Variants in SPTAN1 observed in about 807,000 individuals in gnomAD.
SPTAN1 encodes spectrin alpha chain, non-erythrocytic 1.
Under a neutral mutation model 331.3 loss-of-function variants are expected in SPTAN1, and 61 were observed. That is an observed-to-expected ratio of 0.18 (90% CI 0.15 to 0.23). SPTAN1 has a LOEUF of 0.23. Among genes scored for constraint, SPTAN1 ranks in the 10% least tolerant of loss-of-function variants. The pLI, the probability that SPTAN1 is intolerant of heterozygous loss-of-function variation, is 1.00. For synonymous variants in SPTAN1, 1,153 were observed against 1,173.9 expected, an observed-to-expected ratio of 0.98 and a Z score of 0.36; for missense variants, 2,043 against 3,147.9, an observed-to-expected ratio of 0.65 and a Z score of 8.40.
At chr9:128,620,445 G>C (rs1026942403) in intron 44 of SPTAN1, among the ~76,000 whole-genome samples, 1 of 152,188 alleles carries the variant, frequency 6.6e-6, no homozygotes, top group Non-Finnish European at 1.5e-5. Flanking sequence ...GGCCAGGTGC[G>C]GTGGCTCACA....
rs1848285942 is a variant in SPTAN1 at position 128,552,879 on chromosome 9, C to T, written c.-4+183C>T. The stretch of plus-strand genomic sequence containing the variant: ...AGCCGCTGCCGCTGCTTTTGTGGCG[C>T]GTGGGCTGCGGAGGAGCAGCCGGGC... On this transcript the variant is annotated intron_variant, in intron 1 of 56. Coordinates refer to ENST00000372739, the MANE Select transcript of SPTAN1 (RefSeq NM_001130438.3). The surrounding 1 kb of genome is among the most constrained non-coding windows in gnomAD (Gnocchi z 4.6). 6.6e-6 allele frequency: 1 copy of T among 152,154 alleles called. No homozygotes were observed. The highest frequency in any genetic ancestry group is 2.4e-5 in the African/African-American group (1 of 41,432). 9.4% of individuals were successfully genotyped at this position (152,154 alleles called of 1,614,324 possible). A position where few individuals can be genotyped will look rare whatever the true frequency, so the allele number is the denominator to read the frequency against.
chr9:128,586,069 A>G (rs1270331629), intron 19 of SPTAN1, 104 bp downstream of exon 19: 1 of 855,330 alleles, frequency 1.2e-6, no homozygotes, highest in Non-Finnish European at 1.9e-6. Flanking sequence ...TGTGCATTAC[A>G]GTGATTGTTT....
chr9:128,605,489 T>C lies in SPTAN1; in HGVS notation c.4046+12T>C, dbSNP rs1855712040. ...CTTAGCGATTTCCGGTACGGAGCCATGTTCACTCAGACTTCTGGAACATAG... is the reference window on the plus strand; with the variant it reads ...CTTAGCGATTTCCGGTACGGAGCCACGTTCACTCAGACTTCTGGAACATAG... On this transcript the variant is annotated intron_variant, in intron 31 of 56. Coordinates refer to ENST00000372739, the MANE Select transcript of SPTAN1 (RefSeq NM_001130438.3). 2.5e-6 allele frequency: 4 copies of C among 1,614,048 alleles called. No individual in the cohort carries two copies. Among genetic ancestry groups the C allele is most frequent in the Admixed American group, 1.7e-5 (1 of 60,010 alleles).
chr9:128,559,474 G>T (rs1890101), intron 1 of SPTAN1, among the ~76,000 whole-genome samples: 1 of 152,196 alleles, frequency 6.6e-6, no homozygotes, highest in African/African-American at 2.4e-5. Flanking sequence ...ATAGGAGGCA[G>T]AACAGCACCA....
intron 40 of SPTAN1, among the ~76,000 whole-genome samples, chr9:128,614,009 A>C (rs950459270): frequency 6.6e-6 from 1 of 152,120 alleles, no homozygotes; most frequent in African/African-American, 2.4e-5. Flanking sequence ...CATCTCAAAA[A>C]AAAAAAAAAA....
rs140191388 is a variant in SPTAN1 at position 128,617,742 on chromosome 9, G to A, written c.5460G>A (p.Ala1820=). Residue 1820 remains alanine (A), a synonymous_variant, in exon 42 of 57, where the codon GCG becomes GCA. Coordinates refer to ENST00000372739, the MANE Select transcript of SPTAN1 (RefSeq NM_001130438.3). ...AGCGGCTGGAAGCAGAACTGGCTGC[G>A]CATGAGCCGGCTATTCAGGTAAGGA... is the stretch of plus-strand genomic sequence containing the variant. ...KHKRLEAELA[A]HEPAIQGVLD... 611 of 1,614,068 alleles carry A rather than the reference G, an allele frequency of 3.8e-4. 3 individuals carry two copies. The African/African-American group carries it at 4.6e-3, about 12-fold the overall frequency.
chr9:128,626,245 C>G (rs1858716651), intron 48 of SPTAN1, 146 bp from the exon 49 acceptor site: 3 of 1,087,470 alleles, frequency 2.8e-6, no homozygotes, highest in Admixed American at 1.7e-5. Context: ...GAAGGGGGAG[C>G]AGGAGACAGG....
intron 31 of SPTAN1, among the ~76,000 whole-genome samples, chr9:128,606,232 G>T (rs1053365188): frequency 6.7e-6 from 1 of 149,758 alleles, no homozygotes; most frequent in Non-Finnish European, 1.5e-5. Flanking sequence ...GCCGGGCGTG[G>T]TGGCACACTG....
rs1264204076 is a variant in SPTAN1, at chr9:128,617,967, T to C, written c.5479-20T>C. The C allele has an allele frequency of 1.2e-6, 2 of 1,614,016 alleles. No individual in the cohort carries two copies. Among genetic ancestry groups the C allele is most frequent in the African/African-American group, 2.7e-5 (2 of 74,906 alleles). On this transcript the variant is annotated intron_variant, in intron 42 of 56. Transcript: ENST00000372739. ...CCAGAAGAGCTACCTGCTGTTAACC[T>C]CCTCGTCCTTGCCTGTCAGGGTGTC... is the stretch of plus-strand genomic sequence containing the variant.
rs1852537797 is a variant in SPTAN1 at position 128,585,843 on chromosome 9, C to T, written c.2656C>T (p.Leu886=). 1 of 1,614,162 alleles carries T rather than the reference C, an allele frequency of 6.2e-7. No homozygotes were observed. The highest frequency in any genetic ancestry group is 1.3e-5 in the African/African-American group (1 of 75,022). The stretch of plus-strand genomic sequence containing the variant: ...CAAAGCTTCCCAGCGTCGGCAGGAC[C>T]TGGAGGACTCTCTGCAGGCCCAGCA... The part of the protein sequence containing the change: ...KAKASQRRQD[L]EDSLQAQQYF... Residue 886 remains leucine, a synonymous_variant, in exon 19 of 57, where the codon CTG becomes TTG. Coordinates refer to ENST00000372739, the MANE Select transcript of SPTAN1 (RefSeq NM_001130438.3).
chr9:128,633,399 TCTGTGTGCTCTCACTTTCCA>T lies in SPTAN1; in HGVS notation c.*70_*89del. On this transcript the variant is annotated 3_prime_UTR_variant, in exon 57 of 57. Transcript: ENST00000372739. ...CGTCGCCTTGCTGCATGTCCGCTCC[TCTGTGTGCTCTCACTTTCCA>T]CTGTAACCTTAAGCCTGCTTAGCTT... 1 of 1,609,212 alleles carries T rather than the reference TCTGTGTGCTCTCACTTTCCA, an allele frequency of 6.2e-7. No homozygotes were observed. Among genetic ancestry groups the T allele is most frequent in the South Asian group, 1.1e-5 (1 of 91,018 alleles).
At chr9:128,574,884 G>A (rs1851129052) in intron 4 of SPTAN1, 69 bp downstream of exon 4, 3 of 1,607,382 alleles carry the variant, frequency 1.9e-6, no homozygotes, top group Non-Finnish European at 2.6e-6. Context: ...TCTGTGATCT[G>A]TAGTGAGACC....
Position 128,567,908 on chromosome 9 carries a change from G to A in SPTAN1, c.238-864G>A, listed in dbSNP as rs949611263. ...CCCGAGTAGCTGGGAATGTAGGCAC[G>A]CGACACCACGCCCAGCTAATTTTTT... On this transcript the variant is annotated intron_variant, in intron 2 of 56. Transcript: ENST00000372739. Among the ~76,000 whole-genome samples, 4 of 151,876 alleles carry A rather than the reference G, an allele frequency of 2.6e-5. No homozygotes were observed. The East Asian group carries it at 5.8e-4, about 22-fold the overall frequency.
intron 35 of SPTAN1, 61 bp downstream of exon 35, chr9:128,609,038 A>C: frequency 6.2e-7 from 1 of 1,613,854 alleles, no homozygotes. Flanking sequence ...CCCTCATACG[A>C]AGGCCCAGGC....
chr9:128,633,347 G>C lies in SPTAN1; in HGVS notation c.*13G>C. ...TTTCGTGAACTGAGCCACTCCCTGGGTCACCCACCCCTCGCTGCTTGCCCT... is the reference window on the plus strand; with the variant it reads ...TTTCGTGAACTGAGCCACTCCCTGGCTCACCCACCCCTCGCTGCTTGCCCT... On this transcript the variant is annotated 3_prime_UTR_variant, in exon 57 of 57. Coordinates refer to ENST00000372739, the MANE Select transcript of SPTAN1 (RefSeq NM_001130438.3). 6.2e-7 allele frequency: 1 copy of C among 1,613,674 alleles called. No individual in the cohort carries two copies. Among genetic ancestry groups the C allele is most frequent in the Non-Finnish European group, 8.5e-7 (1 of 1,180,026 alleles).
chr9:128,623,353 T>C (rs1172865034), intron 45 of SPTAN1, among the ~76,000 whole-genome samples: 1 of 152,026 alleles, frequency 6.6e-6, no homozygotes, highest in Non-Finnish European at 1.5e-5. Flanking sequence ...AGTGAGCCAC[T>C]GCACCCAGCC....
intron 12 of SPTAN1, 102 bp downstream of exon 12, chr9:128,581,994 C>T: frequency 2.3e-6 from 2 of 876,530 alleles, no homozygotes; most frequent in South Asian, 2.6e-5. Context: ...GATTCATATG[C>T]AGAGTACTCC....
rs546138632 is a variant in SPTAN1 at position 128,618,781 on chromosome 9, C to T, written c.5601-90C>T. ...TGCAGGCATGAGCCACCATGCCCAGCTTTTGTGACTGTTTTTAAGCATATG... is the reference window on the plus strand; with the variant it reads ...TGCAGGCATGAGCCACCATGCCCAGTTTTTGTGACTGTTTTTAAGCATATG... On this transcript the variant is annotated intron_variant, in intron 43 of 56. Transcript: ENST00000372739. 3.1e-6 allele frequency: 5 copies of T among 1,602,956 alleles called. No individual in the cohort carries two copies. In the Admixed American group the frequency reaches 8.3e-5, roughly 27 times the overall value.
chr9:128,612,911 C>T (rs542200221), intron 39 of SPTAN1, among the ~76,000 whole-genome samples: 8 of 151,118 alleles, frequency 5.3e-5, no homozygotes, highest in African/African-American at 2.4e-5. Flanking sequence ...GGCAACAGAG[C>T]GAGACTTCAT....
Sources: gnomAD v4.1 joint callset for allele counts (sites outside exome capture counted in the v4.1 genomes callset) on GRCh38, gnomAD v4.1.1 for gene constraint, Gnocchi (gnomAD v3.1) non-coding constraint, MANE v1.5 for transcripts, NCBI Gene and HGNC (gene_info 2026-07-23, HGNC 2026-07-21) for gene names.